The following LAPTM4B variants were observed in gnomAD, a reference collection of about 807,000 sequenced individuals.
LAPTM4B encodes the protein lysosomal-associated transmembrane protein 4B.
Under a neutral mutation model 28.5 loss-of-function variants are expected in LAPTM4B, and 26 were observed. That is an observed-to-expected ratio of 0.91 (90% CI 0.67 to 1.27). LAPTM4B has a LOEUF of 1.27. LAPTM4B is among the 50% of genes most tolerant of loss of function. The pLI is 0.00. For missense variants in LAPTM4B, 288 were observed against 285.8 expected (o/e 1.01, Z -0.06); for synonymous variants, 109 against 106.4 (o/e 1.02, Z -0.15).
At chr8:97,814,579 T>C (rs1330534344) in intron 2 of LAPTM4B, among the ~76,000 whole-genome samples, 2 of 152,046 alleles carry the variant, frequency 1.3e-5, no homozygotes, top group Non-Finnish European at 2.9e-5. Flanking sequence ...CCAGATGATA[T>C]GGCTGTCTTA....
intron 1 of LAPTM4B, among the ~76,000 whole-genome samples, chr8:97,794,981 G>T (rs1816559948): frequency 6.6e-6 from 1 of 152,200 alleles, no homozygotes; most frequent in East Asian, 1.9e-4. Flanking sequence ...CAAAGTGCTG[G>T]GATTACAGGC....
chr8:97,793,439 T>C (rs998392011), intron 1 of LAPTM4B, among the ~76,000 whole-genome samples: 3 of 152,208 alleles, frequency 2.0e-5, no homozygotes, highest in Non-Finnish European at 4.4e-5. Flanking sequence ...CTGAGTGATT[T>C]TCATTGTAAA....
intron 1 of LAPTM4B, among the ~76,000 whole-genome samples, chr8:97,790,486 ATT>A (rs1816481586): frequency 6.6e-6 from 1 of 150,562 alleles, no homozygotes; most frequent in Non-Finnish European, 1.5e-5. Context: ...TAATTTTTGT[ATT>A]TTTAGTAGAG....
chr8:97,805,917 A>T (rs1816750984), intron 2 of LAPTM4B, among the ~76,000 whole-genome samples: 1 of 152,026 alleles, frequency 6.6e-6, no homozygotes, highest in African/African-American at 2.4e-5. Flanking sequence ...ATGTACAGGG[A>T]TGTGGATGTG....
intron 6 of LAPTM4B, among the ~76,000 whole-genome samples, chr8:97,826,454 A>AT (rs1327114355): frequency 6.6e-6 from 1 of 152,106 alleles, no homozygotes; most frequent in African/African-American, 2.4e-5. Flanking sequence ...AATTTTCGTG[A>AT]TTTTGATAAA....
At chr8:97,816,292 A>C in intron 4 of LAPTM4B, 112 bp downstream of exon 4, 2 of 1,077,420 alleles carry the variant, frequency 1.9e-6, no homozygotes, top group African/African-American at 3.3e-5. Context: ...TTTAGCTTGC[A>C]GCTGAGTTAC....
intron 1 of LAPTM4B, among the ~76,000 whole-genome samples, chr8:97,780,981 A>T (rs1408065921): frequency 2.7e-5 from 4 of 149,746 alleles, no homozygotes; most frequent in Non-Finnish European, 5.9e-5. Flanking sequence ...TTGAGTTGTG[A>T]TTTATGTACT....
intron 1 of LAPTM4B, among the ~76,000 whole-genome samples, chr8:97,780,766 GTTTTAC>G (rs1816295508): frequency 6.6e-6 from 1 of 152,188 alleles, no homozygotes; most frequent in Admixed American, 6.6e-5. Flanking sequence ...TGTTTCCACT[GTTTTAC>G]TTTTAAAAGT....
intron 5 of LAPTM4B, among the ~76,000 whole-genome samples, chr8:97,822,588 A>G (rs1817023407): frequency 6.6e-6 from 1 of 151,088 alleles, no homozygotes; most frequent in Non-Finnish European, 1.5e-5. Context: ...AACCATGTTC[A>G]TCATTACTAG....
intron 3 of LAPTM4B, among the ~76,000 whole-genome samples, chr8:97,815,775 G>T (rs1438462224): frequency 6.6e-6 from 1 of 151,858 alleles, no homozygotes; most frequent in Non-Finnish European, 1.5e-5. Flanking sequence ...ACCATGTTGG[G>T]CAGGCTAGTC....
At chr8:97,829,511 T>TAACC (rs1817146577) in intron 6 of LAPTM4B, among the ~76,000 whole-genome samples, 1 of 151,840 alleles carries the variant, frequency 6.6e-6, no homozygotes, top group Non-Finnish European at 1.5e-5. Context: ...TTCCAGTAGG[T>TAACC]AATTGTTGGG....
intron 6 of LAPTM4B, among the ~76,000 whole-genome samples, chr8:97,835,839 A>C (rs1259018974): frequency 6.6e-6 from 1 of 152,096 alleles, no homozygotes; most frequent in South Asian, 2.1e-4. Context: ...AATCCTGTAG[A>C]TCAGGGGTCC....
intron 6 of LAPTM4B, among the ~76,000 whole-genome samples, chr8:97,844,874 T>A (rs1038430376): frequency 2.6e-5 from 4 of 152,190 alleles, no homozygotes; most frequent in African/African-American, 9.7e-5. Flanking sequence ...ACTTCCTCTT[T>A]CCATTTTGAC....
intron 5 of LAPTM4B, 113 bp downstream of exon 5, chr8:97,819,351 T>G (rs931414584): frequency 1.6e-6 from 1 of 627,612 alleles, no homozygotes; most frequent in East Asian, 2.8e-5. Context: ...TCCAAATTGC[T>G]TTTTGATTTC....
At chr8:97,786,356 A>T (rs1816399466) in intron 1 of LAPTM4B, among the ~76,000 whole-genome samples, 1 of 151,972 alleles carries the variant, frequency 6.6e-6, no homozygotes, top group African/African-American at 2.4e-5. Flanking sequence ...GGTTAAAAAA[A>T]AATGCTTGAG....
At chr8:97,815,987 A>G (rs201814320) in intron 3 of LAPTM4B, 71 bp from the exon 4 acceptor site, 8 of 1,380,250 alleles carry the variant, frequency 5.8e-6, no homozygotes, top group Non-Finnish European at 7.8e-6. Context: ...TTAATAAAAT[A>G]CTTTGAATTT....
chr8:97,795,799 T>G (rs907622170), intron 1 of LAPTM4B, among the ~76,000 whole-genome samples: 8 of 141,676 alleles, frequency 5.6e-5, no homozygotes, highest in South Asian at 2.2e-4. Context: ...ATTGCCCCAC[T>G]GCACTCCAGC....
intron 1 of LAPTM4B, among the ~76,000 whole-genome samples, chr8:97,780,883 T>G (rs1563598674): frequency 1.3e-5 from 2 of 152,166 alleles, no homozygotes; most frequent in Non-Finnish European, 1.5e-5. Context: ...TATTACTATT[T>G]TTAAAATTCT....
In LAPTM4B at chr8:97,825,167, C is replaced by T; in HGVS notation, c.603+14C>T. ...AATGACACTACGGTAGGTATGATGT[C>T]ACTTATGGTAGAGATCTCGCCCACA... On this transcript the variant is annotated intron_variant, in intron 6 of 6. Transcript: ENST00000521545. 1 of 1,409,120 alleles carries T rather than the reference C, an allele frequency of 7.1e-7. No homozygotes were observed. Among genetic ancestry groups the T allele is most frequent in the South Asian group, 1.2e-5 (1 of 86,350 alleles). The allele number at this position is 1,409,120 out of a possible 1,614,324, so 87.3% of individuals were successfully genotyped here.
Sources: gnomAD v4.1 joint callset for allele counts (sites outside exome capture counted in the v4.1 genomes callset) on GRCh38, gnomAD v4.1.1 for gene constraint, MANE v1.5 for transcripts, NCBI Gene and HGNC (gene_info 2026-07-23, HGNC 2026-07-21) for gene names.